Variants in PNKP observed in about 807,000 individuals in gnomAD.
PNKP encodes bifunctional polynucleotide phosphatase/kinase.
A neutral mutation model predicts 66.2 loss-of-function variants in PNKP; 82 were observed. That is an observed-to-expected ratio of 1.24 (90% CI 1.04 to 1.49). The LOEUF is 1.49. PNKP is among the 40% of genes most tolerant of loss of function. The probability of loss-of-function intolerance (pLI) is 0.00; values close to 1 mark genes in which losing one functional copy is unlikely to be tolerated. For missense variants in PNKP, 907 were observed against 706.8 expected (o/e 1.28, Z -3.21); for synonymous variants, 412 against 298.9 (o/e 1.38, Z -3.90).
Position 49,862,436 on chromosome 19 carries a change from C to T in PNKP, c.964G>A (p.Ala322Thr). 1.3e-6 allele frequency: 2 copies of T among 1,583,110 alleles called. No homozygotes were observed. The highest frequency in any genetic ancestry group is 1.8e-5 in the Admixed American group (1 of 55,418). Reference protein sequence around the residue: ...LFALNLGLPFATPEEFFLKWP... With the variant: ...LFALNLGLPFTTPEEFFLKWP... ...TTGAGAAAGAACTCCTCAGGCGTGG[C>T]GAAGGGCAGGCCAAGGTTGAGGGCA... is the stretch of plus-strand genomic sequence containing the variant. The change falls in exon 11 of 17, where the codon GCC becomes ACC. Residue 322 changes from alanine (A) to threonine (T), a missense_variant. Transcript: ENST00000322344.
rs2074801507 is a variant in PNKP at position 49,864,221 on chromosome 19, C to T, written c.594G>A (p.Glu198=). ...CCAGCTCTCGGAGCTTACGGGGAAT[C>T]TCTGGGTACAAGATCCTACGGCAGG... The part of the protein sequence containing the change: ...GPSDWRILYP[E]IPRKLRELEA... The change falls in exon 6 of 17, where the codon GAG becomes GAA. Residue 198 remains glutamate (E), a synonymous_variant. Transcript: ENST00000322344. 3 of 1,614,192 alleles carry T rather than the reference C, an allele frequency of 1.9e-6. No individual in the cohort carries two copies. The East Asian group carries it at 6.7e-5, about 36-fold the overall frequency.
At position 49,865,245 on chromosome 19, in the gene PNKP, T is replaced by A. The variant is rs904458738; in HGVS notation, c.380A>T (p.Gln127Leu). 3.7e-6 allele frequency: 6 copies of A among 1,614,106 alleles called. No homozygotes were observed. In the African/African-American group the frequency reaches 8.0e-5, roughly 22 times the overall value. Residue 127 changes from glutamine (Q) to leucine (L), a missense_variant, in exon 4 of 17, where the codon CAA becomes CTA. Physicochemically the swap from Gln to Leu is moderately radical, Grantham distance 113. Transcript: ENST00000322344. The part of the protein sequence containing the change: ...DTPPGTPLVS[Q>L]DEKRDAELPK... ...CAGCTCAGCATCTCTCTTCTCATCT[T>A]GGGACACCAGAGGGGTGCCAGGCGG... is the stretch of plus-strand genomic sequence containing the variant.
Position 49,864,205 on chromosome 19 carries a change from G to C in PNKP, c.610C>G (p.Arg204Gly). 1 of 1,614,146 alleles carries C rather than the reference G, an allele frequency of 6.2e-7. No individual in the cohort carries two copies. Among genetic ancestry groups the C allele is most frequent in the Non-Finnish European group, 8.5e-7 (1 of 1,180,018 alleles). Reference sequence around the variant, plus strand: ...TTGTAGCCCTCGGCTTCCAGCTCTCGGAGCTTACGGGGAATCTCTGGGTAC... The same window carrying C: ...TTGTAGCCCTCGGCTTCCAGCTCTCCGAGCTTACGGGGAATCTCTGGGTAC... Reference protein sequence around the residue: ...ILYPEIPRKLRELEAEGYKLV... With the variant: ...ILYPEIPRKLGELEAEGYKLV... Residue 204 changes from arginine to glycine, a missense_variant, in exon 6 of 17, where the codon CGA becomes GGA. Transcript: ENST00000322344.
Position 49,862,391 on chromosome 19 carries a change from C to A in PNKP, c.1009G>T (p.Glu337Ter). ...CTCACCGGATCAAAGGCTGGGAGCT[C>A]GAAGCCGGCTGCTGGCCACTTGAGA... ...FFLKWPAAGFELPAFDPRTVS... is the reference protein window; with the variant it reads ...FFLKWPAAGF The change falls in exon 11 of 17, where the codon GAG (glutamate) becomes TAG (stop). Residue 337 changes from glutamate to a stop codon, truncating the protein, a stop_gained. Transcript: ENST00000322344. LOFTEE classifies it high-confidence loss of function. 6.4e-7 allele frequency: 1 copy of A among 1,554,696 alleles called. No homozygotes were observed. Among genetic ancestry groups the A allele is most frequent in the South Asian group, 1.2e-5 (1 of 84,348 alleles).
rs981647541 is a variant in PNKP at position 49,867,300 on chromosome 19, A to C, written c.-13-83T>G. ...CCCGCCTCCTCCCACATCCACTAGA[A>C]AGTTTCCCCACCATTAACTGCTCCG... is the stretch of plus-strand genomic sequence containing the variant. On this transcript the variant is annotated intron_variant, in intron 1 of 16. Transcript: ENST00000322344. 6 of 1,383,540 alleles carry C rather than the reference A, an allele frequency of 4.3e-6. No homozygotes were observed. The African/African-American group carries it at 8.6e-5, about 20-fold the overall frequency. 85.7% of individuals were successfully genotyped at this position (1,383,540 alleles called of 1,614,324 possible). A position where few individuals can be genotyped will look rare whatever the true frequency, so the allele number is the denominator to read the frequency against.
At position 49,865,356 on chromosome 19, in the gene PNKP, CCCACCCCCAGAGAGCCCT is replaced by C. The variant is rs769413145; in HGVS notation, c.251_268del (p.Glu84_Val89del). The C allele has an allele frequency of 6.2e-7, 1 of 1,613,550 alleles. No individual in the cohort carries two copies. Among genetic ancestry groups the C allele is most frequent in the African/African-American group, 1.3e-5 (1 of 74,998 alleles). On this transcript the variant is annotated inframe_deletion, in exon 4 of 17. Coordinates refer to ENST00000322344, the MANE Select transcript of PNKP (RefSeq NM_007254.4). ...GCCATTGACCAAATACAGTGTGTCC[CCCACCCCCAGAGAGCCCT>C]CCAACCCCGGCTTCAACTCCTGGGT... is the stretch of plus-strand genomic sequence containing the variant.
rs374547164 is a variant in PNKP, at chr19:49,861,496, C to T, written c.1401G>A (p.Thr467=). ...CTGACACGGGGATATGAGAGGAGTC[C>T]GTCATCTCTCGAAACTGTGGGGAAC... The part of the protein sequence containing the change: ...ARHNNRFREM[T]DSSHIPVSDM... The change falls in exon 16 of 17, where the codon ACG becomes ACA. Residue 467 remains threonine (T), a synonymous_variant. Transcript: ENST00000322344. The T allele has an allele frequency of 4.6e-5, 74 of 1,611,844 alleles. No individual in the cohort carries two copies. Among genetic ancestry groups the T allele is most frequent in the East Asian group, 8.9e-5 (4 of 44,760 alleles).
At chr19:49,863,823 A>G (rs1219305442) in intron 7 of PNKP, 63 bp from the exon 8 acceptor site, 1 of 1,473,784 alleles carries the variant, frequency 6.8e-7, no homozygotes, top group Non-Finnish European at 9.3e-7. Context: ...ATGCCACCCC[A>G]GCCCAGAATT....
chr19:49,863,481 G>A (rs919511075), intron 8 of PNKP, among the ~76,000 whole-genome samples: 6 of 152,218 alleles, frequency 3.9e-5, no homozygotes, highest in Non-Finnish European at 5.9e-5. Flanking sequence ...ATGAACGAAG[G>A]AATGAACAGC....
In PNKP at chr19:49,861,535, CAGGCCCA is replaced by C. The variant is rs753721118; in HGVS notation, c.1387-32_1387-26del. On this transcript the variant is annotated intron_variant, in intron 15 of 16. Transcript: ENST00000322344. ...ACTGTGGGGAACATCAGAGGGGCGG[CAGGCCCA>C]GGGGTCAGGGGAGGAGGGGGGTCAG... The C allele has an allele frequency of 7.5e-6, 12 of 1,604,034 alleles. No homozygotes were observed. In the South Asian group the frequency reaches 9.9e-5, roughly 13 times the overall value.
In PNKP at chr19:49,866,424, T is replaced by A. The variant is rs1034335428; in HGVS notation, c.173A>T (p.Glu58Val). The A allele has an allele frequency of 6.2e-7, 1 of 1,614,134 alleles. No individual in the cohort carries two copies. The highest frequency in any genetic ancestry group is 8.5e-7 in the Non-Finnish European group (1 of 1,179,960). ...RTQVELVADP[E>V]TRTVAVKQLG... The stretch of plus-strand genomic sequence containing the variant: ...CTGTTTCACTGCCACTGTCCGGGTC[T>A]CAGGATCTGCGACCAGCTCCACTGA... Residue 58 changes from glutamate to valine, a missense_variant, in exon 3 of 17, where the codon GAG (glutamate) becomes GTG (valine). Physicochemically the swap from Glu to Val is moderately radical, Grantham distance 121. Transcript: ENST00000322344.
At chr19:49,864,461 T>G in intron 4 of PNKP, 58 bp from the exon 5 acceptor site, 1 of 1,342,302 alleles carries the variant, frequency 7.4e-7, no homozygotes, top group Middle Eastern at 1.8e-4. Flanking sequence ...CCCTCCTCAC[T>G]CACAGGCTGA....
chr19:49,865,723 C>G lies in PNKP; in HGVS notation c.199-297G>C, dbSNP rs3739176. 0.021 allele frequency among the ~76,000 whole-genome samples: 3,158 copies of G among 151,442 alleles called. 111 individuals are homozygous for G. Among genetic ancestry groups the G allele is most frequent in the African/African-American group, 0.073 (3,023 of 41,184 alleles). On this transcript the variant is annotated intron_variant, in intron 3 of 16. Transcript: ENST00000322344. ...GTGCCTCCTGGGTTCAAACGATTCT[C>G]CTGCCTCAGCTACCCGAGTAGCTGG...
At position 49,862,053 on chromosome 19, in the gene PNKP, G is replaced by T; in HGVS notation, c.1179C>A (p.His393Gln). ...KKHLVSAGYV[H>Q]VNRDTLGSWQ... ...AAAAGCCTGGTCATACCCTGTTCAC[G>T]TGGACATATCCGGCCGACACGAGGT... The change falls in exon 13 of 17, where the codon CAC (histidine) becomes CAA (glutamine). Residue 393 changes from histidine to glutamine, a missense_variant. Transcript: ENST00000322344. The T allele has an allele frequency of 6.2e-7, 1 of 1,614,150 alleles. No individual in the cohort carries two copies. Among genetic ancestry groups the T allele is most frequent in the Non-Finnish European group, 8.5e-7 (1 of 1,179,976 alleles).
At chr19:49,867,399 G>A in intron 1 of PNKP, 70 bp downstream of exon 1, 1 of 634,810 alleles carries the variant, frequency 1.6e-6, no homozygotes, top group Non-Finnish European at 2.7e-6. Context: ...CCCTCCCCGA[G>A]TTGCAATCCC....
chr19:49,863,374 C>T (rs2074794220), intron 8 of PNKP, among the ~76,000 whole-genome samples: 1 of 152,242 alleles, frequency 6.6e-6, no homozygotes, highest in Non-Finnish European at 1.5e-5. Context: ...AGTCACCGCC[C>T]TCGCCGTGAG....
In PNKP at chr19:49,862,912, G is replaced by A. The variant is rs1214402506; in HGVS notation, c.817-174C>T. On this transcript the variant is annotated intron_variant, in intron 8 of 16. Coordinates refer to ENST00000322344, the MANE Select transcript of PNKP (RefSeq NM_007254.4). Reference sequence around the variant, plus strand: ...GTGCTCCTGGCCCCCTCCCCCCTCCGTGGTCTCTCCACACAGCCCCCTCCC... The same window carrying A: ...GTGCTCCTGGCCCCCTCCCCCCTCCATGGTCTCTCCACACAGCCCCCTCCC... 21 of 709,840 alleles carry A rather than the reference G, an allele frequency of 3.0e-5. No individual in the cohort carries two copies. The East Asian group carries it at 3.8e-4, about 13-fold the overall frequency. The allele number at this position is 709,840 out of a possible 1,614,324, so 44.0% of individuals were successfully genotyped here.
rs549000007 is a variant in PNKP, at chr19:49,861,672, G to A, written c.1322C>T (p.Ala441Val). 10 of 1,547,460 alleles carry A rather than the reference G, an allele frequency of 6.5e-6. No individual in the cohort carries two copies. The highest frequency in any genetic ancestry group is 3.9e-5 in the Admixed American group (2 of 50,962). Residue 441 changes from alanine (A) to valine (V), a missense_variant, in exon 15 of 17, where the codon GCG (alanine) becomes GTG (valine). Coordinates refer to ENST00000322344, the MANE Select transcript of PNKP (RefSeq NM_007254.4). ...RARYVQCARA[A>V]GVPCRCFLFT... The stretch of plus-strand genomic sequence containing the variant: ...GAGGAAGCAGCGGCAGGGGACGCCC[G>A]CGGCTCGGGCACACTGGACGTACCT...
At position 49,865,407 on chromosome 19, in the gene PNKP, G is replaced by C; in HGVS notation, c.218C>G (p.Thr73Ser). The C allele has an allele frequency of 6.2e-7, 1 of 1,609,362 alleles. No individual in the cohort carries two copies. Among genetic ancestry groups the C allele is most frequent in the East Asian group, 2.2e-5 (1 of 44,642 alleles). ...AVKQLGVNPSTTGTQELKPGL... is the reference protein window; with the variant it reads ...AVKQLGVNPSSTGTQELKPGL... ...CGGCTTCAACTCCTGGGTCCCGGTAGTTGAGGGGTTAACTCCCAGCTGCAG... is the reference window on the plus strand; with the variant it reads ...CGGCTTCAACTCCTGGGTCCCGGTACTTGAGGGGTTAACTCCCAGCTGCAG... The change falls in exon 4 of 17, where the codon ACT becomes AGT. Residue 73 changes from threonine (T) to serine (S), a missense_variant. Transcript: ENST00000322344.
Sources: allele counts gnomAD v4.1 joint callset (sites outside exome capture counted in the v4.1 genomes callset), GRCh38; gene constraint gnomAD v4.1.1; transcripts MANE v1.5; gene names NCBI Gene and HGNC (gene_info 2026-07-23, HGNC 2026-07-21).